Variants in SPHKAP observed in about 807,000 individuals in gnomAD.
The protein encoded by SPHKAP is SPHK1 interactor, AKAP domain containing.
Under a neutral mutation model 137.5 loss-of-function variants are expected in SPHKAP, and 67 were observed. The observed-to-expected ratio is 0.49, with a 90% confidence interval of 0.40 to 0.60. The LOEUF (loss-of-function observed/expected upper bound fraction) is 0.60. SPHKAP is among the 20% of genes least tolerant of loss of function. The probability of loss-of-function intolerance (pLI) is 0.00; values close to 1 mark genes in which losing one functional copy is unlikely to be tolerated. For missense variants in SPHKAP, 2,097 were observed against 2,069.3 expected (o/e 1.01, Z -0.26); for synonymous variants, 813 against 785.3 (o/e 1.04, Z -0.59).
intron 3 of SPHKAP, among the ~76,000 whole-genome samples, chr2:228,031,465 A>G (rs1337303516): frequency 1.3e-5 from 2 of 152,230 alleles, no homozygotes; most frequent in African/African-American, 4.8e-5. Flanking sequence ...ACAAAAAGAC[A>G]GCAGTAACCT....
chr2:228,143,664 CTTTTTT>C (rs35440451), intron 1 of SPHKAP, among the ~76,000 whole-genome samples: 8 of 97,426 alleles, frequency 8.2e-5, no homozygotes, highest in Non-Finnish European at 1.4e-4. Flanking sequence ...AAACACCTGG[CTTTTTT>C]TTTTTTTTTT....
intron 3 of SPHKAP, among the ~76,000 whole-genome samples, chr2:228,064,246 T>G (rs1419348037): frequency 6.6e-6 from 1 of 152,144 alleles, no homozygotes; most frequent in Non-Finnish European, 1.5e-5. Context: ...GTTTCCTTAA[T>G]GGAAAGTAGT....
chr2:228,109,355 T>G, intron 2 of SPHKAP: 1 of 984,472 alleles, frequency 1.0e-6, no homozygotes, highest in Non-Finnish European at 1.2e-6. Flanking sequence ...GATGGAATAT[T>G]GATTCTTCAC....
chr2:228,025,989 A>G (rs1284951697), intron 4 of SPHKAP: 1 of 348,734 alleles, frequency 2.9e-6, no homozygotes. Context: ...AGATGATTGG[A>G]TCATGGGGGC....
At chr2:228,140,318 T>C (rs1051394930) in intron 1 of SPHKAP, among the ~76,000 whole-genome samples, 1 of 151,938 alleles carries the variant, frequency 6.6e-6, no homozygotes, top group African/African-American at 2.4e-5. Context: ...ACACTATGTA[T>C]ATGACCGCAT....
intron 3 of SPHKAP, among the ~76,000 whole-genome samples, chr2:228,097,316 T>TA (rs1195829331): frequency 6.6e-6 from 1 of 152,198 alleles, no homozygotes; most frequent in African/African-American, 2.4e-5. Context: ...ACCCAAGTTT[T>TA]AAAAACACAC....
intron 3 of SPHKAP, among the ~76,000 whole-genome samples, chr2:228,083,468 G>A (rs1315820100): frequency 1.3e-5 from 2 of 151,900 alleles, no homozygotes; most frequent in East Asian, 3.9e-4. Flanking sequence ...ATGTTTTTTG[G>A]CCGCATAAAT....
intron 1 of SPHKAP, among the ~76,000 whole-genome samples, chr2:228,138,047 G>T (rs4973619): frequency 0.33 from 49,585 of 151,958 alleles, 8,559 homozygotes; most frequent in East Asian, 0.51. Flanking sequence ...TCTCAGCTAG[G>T]CCTGGACCTT....
At chr2:228,060,676 G>A (rs927429716) in intron 3 of SPHKAP, among the ~76,000 whole-genome samples, 1 of 152,144 alleles carries the variant, frequency 6.6e-6, no homozygotes, top group African/African-American at 2.4e-5. Context: ...TCAAATCAAT[G>A]ATGTTTGATG....
chr2:228,164,848 G>C (rs4439943), intron 1 of SPHKAP, among the ~76,000 whole-genome samples: 20,480 of 152,094 alleles, frequency 0.13, 1,376 homozygotes, highest in East Asian at 0.2. Flanking sequence ...CTTTGCTCTC[G>C]TGCTTAAGTC....
intron 3 of SPHKAP, chr2:228,028,101 A>G (rs1191959026): frequency 1.0e-5 from 10 of 978,854 alleles, no homozygotes; most frequent in Non-Finnish European, 1.2e-5. Flanking sequence ...CATACTAAAA[A>G]AGTCTGCTTG....
At chr2:228,105,773 G>C (rs1342549009) in intron 3 of SPHKAP, among the ~76,000 whole-genome samples, 1 of 152,090 alleles carries the variant, frequency 6.6e-6, no homozygotes, top group Non-Finnish European at 1.5e-5. Context: ...TCTCTTGCCT[G>C]CCACCATATG....
At chr2:228,131,768 G>A (rs1246836634) in intron 2 of SPHKAP, 1 of 984,092 alleles carries the variant, frequency 1.0e-6, no homozygotes, top group Non-Finnish European at 1.2e-6. Context: ...TATGGCAGTG[G>A]AGGCTTATGA....
At chr2:228,013,711 TATAAG>T (rs1222604079) in intron 7 of SPHKAP, among the ~76,000 whole-genome samples, 5 of 152,234 alleles carry the variant, frequency 3.3e-5, no homozygotes, top group Non-Finnish European at 5.9e-5. Context: ...AAGATCCTCT[TATAAG>T]ATAATTATTA....
At chr2:228,153,540 T>C (rs928497688) in intron 1 of SPHKAP, among the ~76,000 whole-genome samples, 1 of 152,208 alleles carries the variant, frequency 6.6e-6, no homozygotes, top group Non-Finnish European at 1.5e-5. Flanking sequence ...ATCACTTTAT[T>C]ATCTTTGGAA....
At chr2:228,169,369 G>T (rs1700513388) in intron 1 of SPHKAP, among the ~76,000 whole-genome samples, 1 of 152,070 alleles carries the variant, frequency 6.6e-6, no homozygotes. Flanking sequence ...CTTTTTAAGT[G>T]CTAATGCAGC....
At chr2:228,061,456 G>C (rs1342875206) in intron 3 of SPHKAP, among the ~76,000 whole-genome samples, 1 of 151,892 alleles carries the variant, frequency 6.6e-6, no homozygotes, top group Admixed American at 6.6e-5. Flanking sequence ...ATTTTTAGTA[G>C]AGACGGGATT....
intron 3 of SPHKAP, among the ~76,000 whole-genome samples, chr2:228,065,100 CTG>C (rs1238621618): frequency 6.6e-6 from 1 of 152,214 alleles, no homozygotes; most frequent in African/African-American, 2.4e-5. Flanking sequence ...GCCAACTTAA[CTG>C]TGAGTGTGGC....
At chr2:228,093,876 A>AAAT (rs1697896595) in intron 3 of SPHKAP, among the ~76,000 whole-genome samples, 1 of 150,766 alleles carries the variant, frequency 6.6e-6, no homozygotes. Context: ...AAAAAAAAAA[A>AAAT]AAAAAAAAAA....
Sources: gnomAD v4.1 joint callset for allele counts (sites outside exome capture counted in the v4.1 genomes callset) on GRCh38, gnomAD v4.1.1 for gene constraint, MANE v1.5 for transcripts, NCBI Gene and HGNC (gene_info 2026-07-23, HGNC 2026-07-21) for gene names.